ANPEP: variants seen among roughly 807,000 people sequenced by gnomAD.
The protein encoded by ANPEP is aminopeptidase N.
Under a neutral mutation model 114.6 loss-of-function variants are expected in ANPEP, and 70 were observed. That is an observed-to-expected ratio of 0.61 (90% CI 0.50 to 0.75). ANPEP has a LOEUF of 0.75. Ranked by LOEUF, ANPEP falls within the 30% of genes least tolerant of loss-of-function variation. The pLI is 0.00. For synonymous variants in ANPEP, 548 were observed against 522.3 expected, an observed-to-expected ratio of 1.05 and a Z score of -0.67; for missense variants, 1,184 against 1,259.5, an observed-to-expected ratio of 0.94 and a Z score of 0.91.
Position 89,801,567 on chromosome 15 carries a change from C to CGCACGGTG in ANPEP, c.1602_1609dup (p.Arg537ProfsTer7), listed in dbSNP as rs1020728671. Reference sequence around the variant, plus strand: ...CAGGGTCCAGCGGTTCATGATGTCCCGCACGGTGGTGGGGAGTTGGATGGA... The same window carrying CGCACGGTG: ...CAGGGTCCAGCGGTTCATGATGTCCCGCACGGTGGCACGGTGGTGGGGAGTTGGATGGA... On this transcript the variant is annotated frameshift_variant, in exon 11 of 21. Coordinates refer to ENST00000300060, the MANE Select transcript of ANPEP (RefSeq NM_001150.3). LOFTEE classifies it high-confidence loss of function. 1 of 1,613,950 alleles carries CGCACGGTG rather than the reference C, an allele frequency of 6.2e-7. No homozygotes were observed.
intron 15 of ANPEP, among the ~76,000 whole-genome samples, chr15:89,796,329 A>C (rs1358642085): frequency 6.6e-6 from 1 of 152,250 alleles, no homozygotes; most frequent in Non-Finnish European, 1.5e-5. Context: ...TATTTAGATA[A>C]TCACAATAAA....
intron 1 of ANPEP, among the ~76,000 whole-genome samples, chr15:89,814,397 A>C (rs1439136145): frequency 6.6e-6 from 1 of 151,924 alleles, no homozygotes; most frequent in Non-Finnish European, 1.5e-5. Flanking sequence ...CACCAGGGAC[A>C]GAGTGGCCGC....
At chr15:89,792,350 G>C (rs1226484625) in intron 17 of ANPEP, 23 bp from the exon 18 acceptor site, 2 of 1,613,836 alleles carry the variant, frequency 1.2e-6, no homozygotes, top group African/African-American at 2.7e-5. Flanking sequence ...AGGGAGGTCA[G>C]GTGTGGAACA....
chr15:89,812,788 G>A (rs1894838149), intron 1 of ANPEP, among the ~76,000 whole-genome samples: 1 of 152,166 alleles, frequency 6.6e-6, no homozygotes, highest in South Asian at 2.1e-4. Flanking sequence ...CACACAGCTA[G>A]TTAGCAGCAG....
rs1486667689 is a variant in ANPEP at position 89,785,145 on chromosome 15, G to A, written c.*204C>T. 3 of 631,768 alleles carry A rather than the reference G, an allele frequency of 4.7e-6. No individual in the cohort carries two copies. The highest frequency in any genetic ancestry group is 8.0e-6 in the Non-Finnish European group (3 of 376,178). 39.1% of individuals were successfully genotyped at this position (631,768 alleles called of 1,614,324 possible). ...GCCTAGGGCGGGGTTGGCATGAGGG[G>A]CAGGGGCTGGGAGGTGCTCAGGCAG... On this transcript the variant is annotated 3_prime_UTR_variant, in exon 21 of 21. Transcript: ENST00000300060.
At chr15:89,795,998 T>C (rs1425618226) in intron 15 of ANPEP, among the ~76,000 whole-genome samples, 3 of 152,176 alleles carry the variant, frequency 2.0e-5, no homozygotes, top group Non-Finnish European at 4.4e-5. Flanking sequence ...GAGGATTGCT[T>C]GAAGCCAGGT....
At chr15:89,797,192 C>G (rs1968744436) in intron 15 of ANPEP, among the ~76,000 whole-genome samples, 1 of 152,248 alleles carries the variant, frequency 6.6e-6, no homozygotes, top group Non-Finnish European at 1.5e-5. Context: ...CCCAAGGCCA[C>G]ACAGCTGGCA....
chr15:89,804,966 G>C (rs1043029737), intron 4 of ANPEP, 112 bp downstream of exon 4: 9 of 1,464,426 alleles, frequency 6.1e-6, no homozygotes, highest in Non-Finnish European at 8.5e-6. Flanking sequence ...TCAGAGGTGG[G>C]ATTCCAACCC....
chr15:89,792,047 C>A lies in ANPEP; in HGVS notation c.2528+113G>T. The A allele has an allele frequency of 9.3e-6, 12 of 1,288,400 alleles. 1 individual carries two copies. The South Asian group carries it at 1.5e-4, about 16-fold the overall frequency. The allele number at this position is 1,288,400 out of a possible 1,614,324, so 79.8% of individuals were successfully genotyped here. ...GGTTACTTTGGAAATACTGCCTCCA[C>A]CTCAACAGGTCTGTGGGGGTCACGT... is the stretch of plus-strand genomic sequence containing the variant. On this transcript the variant is annotated intron_variant, in intron 18 of 20. Coordinates refer to ENST00000300060, the MANE Select transcript of ANPEP (RefSeq NM_001150.3).
In ANPEP at chr15:89,790,559, G is replaced by A; in HGVS notation, c.2670-18C>T. 1 of 1,608,884 alleles carries A rather than the reference G, an allele frequency of 6.2e-7. No homozygotes were observed. The highest frequency in any genetic ancestry group is 1.1e-5 in the South Asian group (1 of 90,930). On this transcript the variant is annotated intron_variant, in intron 19 of 20. Coordinates refer to ENST00000300060, the MANE Select transcript of ANPEP (RefSeq NM_001150.3). ...CACCATAACTGCAGGGAGGGAGAGA[G>A]GTGAACTGTGAGGGAGGCCGGGAAC...
chr15:89,799,285 T>C lies in ANPEP; in HGVS notation c.1984A>G (p.Ile662Val), dbSNP rs778283757. The C allele has an allele frequency of 2.0e-5, 32 of 1,614,042 alleles. No individual in the cohort carries two copies. The Middle Eastern group carries it at 4.9e-4, about 25-fold the overall frequency. The change falls in exon 14 of 21, where the codon ATT becomes GTT. Residue 662 changes from isoleucine to valine, a missense_variant. By Grantham distance (29) the Ile-to-Val change is conservative (BLOSUM62 3). Coordinates refer to ENST00000300060, the MANE Select transcript of ANPEP (RefSeq NM_001150.3). This position sits in a 1 kb window ranked among gnomAD's most constrained non-coding sequence, Gnocchi z 4.2. ...AIPVINRAQI[I>V]NDAFNLASAH... is the part of the protein sequence containing the mutation. ...CTGGCCAGGTTGAAGGCGTCATTAA[T>C]GATCTGTGCCCGATTGATGACAGGG...
chr15:89,787,040 C>CTT (rs1015822999), intron 20 of ANPEP, among the ~76,000 whole-genome samples: 989 of 90,950 alleles, frequency 0.011, 3 homozygotes, highest in East Asian at 0.023. Context: ...TAATAAAACT[C>CTT]TTTTTTTTTT....
At position 89,797,661 on chromosome 15, in the gene ANPEP, GTCTC is replaced by G; in HGVS notation, c.2067_2070del (p.Glu689AspfsTer10). On this transcript the variant is annotated frameshift_variant, in exon 15 of 21. Coordinates refer to ENST00000300060, the MANE Select transcript of ANPEP (RefSeq NM_001150.3). LOFTEE classifies it high-confidence loss of function. ...AGGGCGGCCTCCCAGGGCATGTACTGTCTCTCTTCAATCAGGAAGAGGGTGTTGT... is the reference window on the plus strand; with the variant it reads ...AGGGCGGCCTCCCAGGGCATGTACTGTCTTCAATCAGGAAGAGGGTGTTGT... 1 of 1,614,152 alleles carries G rather than the reference GTCTC, an allele frequency of 6.2e-7. No homozygotes were observed. Among genetic ancestry groups the G allele is most frequent in the Non-Finnish European group, 8.5e-7 (1 of 1,180,038 alleles).
rs111415997 is a variant in ANPEP at position 89,808,420 on chromosome 15, C to T, written c.-223-1614G>A. ...TGGTGATAACTTGAGTCCTGGACTGCAGGCCCCATGACAGCAGGGCCTCAC... is the reference window on the plus strand; with the variant it reads ...TGGTGATAACTTGAGTCCTGGACTGTAGGCCCCATGACAGCAGGGCCTCAC... On this transcript the variant is annotated intron_variant, in intron 1 of 20. Coordinates refer to ENST00000300060, the MANE Select transcript of ANPEP (RefSeq NM_001150.3). 4.6e-3 allele frequency among the ~76,000 whole-genome samples: 694 copies of T among 152,364 alleles called. 8 individuals carry two copies. Among genetic ancestry groups the T allele is most frequent in the African/African-American group, 0.016 (661 of 41,580 alleles).
chr15:89,805,529 T>C (rs1894693325), intron 2 of ANPEP, 66 bp from the exon 3 acceptor site: 1 of 1,588,476 alleles, frequency 6.3e-7, no homozygotes, highest in Non-Finnish European at 8.6e-7. Context: ...CTGAGGATGC[T>C]ACCAGGCATG....
At chr15:89,792,618 C>T (rs1968653816) in intron 16 of ANPEP, 56 bp from the exon 17 acceptor site, 3 of 1,475,862 alleles carry the variant, frequency 2.0e-6, no homozygotes, top group East Asian at 2.3e-5. Flanking sequence ...CCAAGATTCA[C>T]CTCTTGACAC....
chr15:89,804,668 G>A, intron 4 of ANPEP, 51 bp from the exon 5 acceptor site: 1 of 1,595,088 alleles, frequency 6.3e-7, no homozygotes, highest in Non-Finnish European at 8.5e-7. Flanking sequence ...TGATCCTGGG[G>A]CAGGTGGGCT....
chr15:89,808,761 A>C (rs1596171775), intron 1 of ANPEP, among the ~76,000 whole-genome samples: 3 of 151,856 alleles, frequency 2.0e-5, no homozygotes, highest in Non-Finnish European at 4.4e-5. Flanking sequence ...CTCGTCTGCC[A>C]CCCCTGCCAC....
chr15:89,808,375 G>A (rs1239983339), intron 1 of ANPEP, among the ~76,000 whole-genome samples: 1 of 152,252 alleles, frequency 6.6e-6, no homozygotes, highest in African/African-American at 2.4e-5. Context: ...AACTCAGCGT[G>A]GTTTTCCCTT....
Sources: gnomAD v4.1 joint callset for allele counts (sites outside exome capture counted in the v4.1 genomes callset) on GRCh38, gnomAD v4.1.1 for gene constraint, Gnocchi (gnomAD v3.1) non-coding constraint, MANE v1.5 for transcripts, NCBI Gene and HGNC (gene_info 2026-07-23, HGNC 2026-07-21) for gene names.